Variants in TNKS2 observed in about 807,000 individuals in gnomAD.
The protein encoded by TNKS2 is tankyrase 2.
TNKS2 carries 72 observed loss-of-function variants against 137.6 expected under a neutral mutation model. That is an observed-to-expected ratio of 0.52 (90% CI 0.43 to 0.64). TNKS2 has a LOEUF of 0.64. TNKS2 is among the 30% of genes least tolerant of loss of function. TNKS2 has a pLI of 0.00. For missense variants in TNKS2, 1,049 were observed against 1,410.2 expected (o/e 0.74, Z 4.10); for synonymous variants, 516 against 512.1 (o/e 1.01, Z -0.10).
intron 12 of TNKS2, among the ~76,000 whole-genome samples, chr10:91,835,744 C>T (rs1841993199): frequency 6.6e-6 from 1 of 151,588 alleles, no homozygotes; most frequent in African/African-American, 2.4e-5. Context: ...TCTCGTGCCT[C>T]ACCCTCCTGA....
intron 13 of TNKS2, among the ~76,000 whole-genome samples, chr10:91,839,568 A>G (rs904593494): frequency 2.6e-5 from 4 of 152,198 alleles, no homozygotes; most frequent in African/African-American, 9.7e-5. Flanking sequence ...CTGTGATTAC[A>G]GGCATGAGCC....
In TNKS2 at chr10:91,842,164, A is replaced by G; in HGVS notation, c.1840-8A>G. The G allele has an allele frequency of 6.3e-7, 1 of 1,587,150 alleles. No homozygotes were observed. The highest frequency in any genetic ancestry group is 8.6e-7 in the Non-Finnish European group (1 of 1,165,000). On this transcript the variant is annotated splice_polypyrimidine_tract_variant and splice_region_variant and intron_variant, in intron 15 of 26. Transcript: ENST00000371627. ...TTCCCCCTTTTTTTCTGTTTTTCAC[A>G]TGCCTAGCATGGTGCAGACCCTACA...
chr10:91,823,329 T>TG (rs1392722061), intron 7 of TNKS2, among the ~76,000 whole-genome samples: 31 of 89,508 alleles, frequency 3.5e-4, no homozygotes, highest in African/African-American at 1.8e-3. Flanking sequence ...GGTTTTTTTT[T>TG]TTTTTTTTTT....
chr10:91,855,174 C>A, intron 22 of TNKS2, 48 bp downstream of exon 22: 4 of 1,110,596 alleles, frequency 3.6e-6, no homozygotes, highest in South Asian at 2.5e-5. Flanking sequence ...ATATTTAGTT[C>A]ACTTTGTATC....
chr10:91,859,083 T>C lies in TNKS2; in HGVS notation c.3095-379T>C, dbSNP rs748221812. 3.3e-5 allele frequency among the ~76,000 whole-genome samples: 5 copies of C among 152,354 alleles called. No homozygotes were observed. In the South Asian group the frequency reaches 6.2e-4, roughly 19 times the overall value. On this transcript the variant is annotated intron_variant, in intron 24 of 26. Coordinates refer to ENST00000371627, the MANE Select transcript of TNKS2 (RefSeq NM_025235.4). ...GTATCTTCAAAAAAGCACACAGGCA[T>C]AGGCATCATTCTAAGACCTAATTGC...
At chr10:91,818,523 G>C (rs564869060) in intron 3 of TNKS2, among the ~76,000 whole-genome samples, 7 of 152,090 alleles carry the variant, frequency 4.6e-5, no homozygotes, top group African/African-American at 7.2e-5. Context: ...GTTTGCTTTT[G>C]GGGTGTGTAT....
At chr10:91,849,667 A>G in intron 20 of TNKS2, 73 bp downstream of exon 20, 4 of 1,198,388 alleles carry the variant, frequency 3.3e-6, no homozygotes, top group Non-Finnish European at 3.6e-6. Context: ...CATACTTGAA[A>G]TGAGCTGAAC....
intron 1 of TNKS2, among the ~76,000 whole-genome samples, chr10:91,803,003 A>G (rs1275505379): frequency 6.6e-6 from 1 of 152,202 alleles, no homozygotes; most frequent in Non-Finnish European, 1.5e-5. Flanking sequence ...GACTTCAATA[A>G]CAAGAGTTTG....
rs191524272 is a variant in TNKS2 at position 91,839,806 on chromosome 10, A to G, written c.1528-755A>G. On this transcript the variant is annotated intron_variant, in intron 13 of 26. Transcript: ENST00000371627. The stretch of plus-strand genomic sequence containing the variant: ...TTTTCAAACTTTAATGTGTTTCCAT[A>G]TTACCTAGGGATCTTGTTAAAGGGC... 1.8e-4 allele frequency among the ~76,000 whole-genome samples: 28 copies of G among 152,288 alleles called. 2 individuals carry two copies. In the East Asian group the frequency reaches 2.9e-3, roughly 16 times the overall value.
At chr10:91,849,785 C>T (rs1017611923) in intron 20 of TNKS2, among the ~76,000 whole-genome samples, 191 bp downstream of exon 20, 3 of 152,126 alleles carry the variant, frequency 2.0e-5, no homozygotes, top group Non-Finnish European at 2.9e-5. Context: ...ACAGTTGACT[C>T]GAGTAGTAAT....
chr10:91,862,859 T>A (rs1162952797), intron 26 of TNKS2, 78 bp from the exon 27 acceptor site: 12 of 984,646 alleles, frequency 1.2e-5, no homozygotes, highest in Non-Finnish European at 1.7e-5. Flanking sequence ...TCCCTAAGAT[T>A]AGGAATACTT....
chr10:91,862,525 G>A (rs756716586), intron 26 of TNKS2, among the ~76,000 whole-genome samples: 9 of 152,014 alleles, frequency 5.9e-5, no homozygotes, highest in Non-Finnish European at 1.3e-4. Flanking sequence ...AATTTCGCCA[G>A]TCGTTCCGGA....
At chr10:91,812,880 G>C (rs979976991) in intron 1 of TNKS2, 103 bp from the exon 2 acceptor site, 10 of 1,483,816 alleles carry the variant, frequency 6.7e-6, no homozygotes, top group Non-Finnish European at 9.0e-6. Flanking sequence ...TGTTGAGTCT[G>C]TTATTAATTT....
At chr10:91,825,221 G>T (rs1487262343) in intron 7 of TNKS2, among the ~76,000 whole-genome samples, 2 of 152,038 alleles carry the variant, frequency 1.3e-5, no homozygotes, top group Non-Finnish European at 2.9e-5. Context: ...TCCCACCTCA[G>T]CCTCCCAAGT....
At chr10:91,857,112 A>AT (rs1431292855) in intron 23 of TNKS2, among the ~76,000 whole-genome samples, 1 of 152,182 alleles carries the variant, frequency 6.6e-6, no homozygotes, top group Non-Finnish European at 1.5e-5. Flanking sequence ...AAAACTCGGC[A>AT]TGTCTGATTT....
intron 21 of TNKS2, among the ~76,000 whole-genome samples, chr10:91,851,670 G>A (rs903911986): frequency 6.6e-6 from 1 of 152,088 alleles, no homozygotes; most frequent in African/African-American, 2.4e-5. Flanking sequence ...CTGAAACTTA[G>A]GTATCACATT....
chr10:91,852,650 C>G (rs934333144), intron 21 of TNKS2, among the ~76,000 whole-genome samples: 3 of 152,150 alleles, frequency 2.0e-5, no homozygotes, highest in African/African-American at 7.2e-5. Context: ...ATCTTGGGGT[C>G]AAAAATATCC....
At chr10:91,830,354 A>C (rs1019010892) in intron 9 of TNKS2, among the ~76,000 whole-genome samples, 1 of 152,088 alleles carries the variant, frequency 6.6e-6, no homozygotes, top group Non-Finnish European at 1.5e-5. Context: ...AGTAGCTGGG[A>C]TTACAGGCAC....
chr10:91,811,951 T>C (rs1158634935), intron 1 of TNKS2, among the ~76,000 whole-genome samples: 1 of 151,812 alleles, frequency 6.6e-6, no homozygotes, highest in Non-Finnish European at 1.5e-5. Context: ...TCCCAGCTAC[T>C]CTGGAGGCTG....
Sources: allele counts gnomAD v4.1 joint callset (sites outside exome capture counted in the v4.1 genomes callset), GRCh38; gene constraint gnomAD v4.1.1; transcripts MANE v1.5; gene names NCBI Gene and HGNC (gene_info 2026-07-23, HGNC 2026-07-21).